The following GALNT1 variants were observed in gnomAD, a reference collection of about 807,000 sequenced individuals.
GALNT1 encodes the protein polypeptide N-acetylgalactosaminyltransferase 1.
GALNT1 carries 17 observed loss-of-function variants against 65.7 expected under a neutral mutation model. That is an observed-to-expected ratio of 0.26 (90% CI 0.18 to 0.39). The LOEUF is 0.39. Among genes scored for constraint, GALNT1 ranks in the 10% least tolerant of loss-of-function variants. GALNT1 has a pLI of 1.00. For synonymous variants in GALNT1, 210 were observed against 219.7 expected, an observed-to-expected ratio of 0.96 and a Z score of 0.39; for missense variants, 460 against 672.8, an observed-to-expected ratio of 0.68 and a Z score of 3.50.
chr18:35,683,631 G>T, intron 5 of GALNT1, 33 bp downstream of exon 5: 1 of 1,581,478 alleles, frequency 6.3e-7, no homozygotes, highest in Non-Finnish European at 8.7e-7. Flanking sequence ...TTTGCTTTTA[G>T]TACATTTGTC....
At chr18:35,671,220 C>T (rs2047630281) in intron 3 of GALNT1, among the ~76,000 whole-genome samples, 1 of 151,996 alleles carries the variant, frequency 6.6e-6, no homozygotes, top group African/African-American at 2.4e-5. Context: ...TATATACACA[C>T]ATATATATTT....
At chr18:35,638,358 CCCTGACAA>C (rs1315137148) in intron 1 of GALNT1, among the ~76,000 whole-genome samples, 3 of 152,034 alleles carry the variant, frequency 2.0e-5, no homozygotes, top group African/African-American at 7.2e-5. Context: ...GCAGCTGTGG[CCCTGACAA>C]GCTGGTGCTG....
At chr18:35,625,173 G>A (rs1251441473) in intron 1 of GALNT1, among the ~76,000 whole-genome samples, 1 of 152,138 alleles carries the variant, frequency 6.6e-6, no homozygotes, top group African/African-American at 2.4e-5. Flanking sequence ...CCATGCTGGG[G>A]ATGTTTACAA....
intron 3 of GALNT1, among the ~76,000 whole-genome samples, chr18:35,666,448 C>G (rs1427893540): frequency 6.6e-6 from 1 of 152,166 alleles, no homozygotes; most frequent in Non-Finnish European, 1.5e-5. Context: ...TATAGACTCT[C>G]CACAGTCTAC....
rs765428686 is a variant in GALNT1, at chr18:35,709,790, C to T, written c.*20C>T. ...TTCTGAGACCAAATTTACAAAAAAA[C>T]GAAAAAAATAAGGATTGACTGGGCT... On this transcript the variant is annotated 3_prime_UTR_variant, in exon 12 of 12. Coordinates refer to ENST00000269195, the MANE Select transcript of GALNT1 (RefSeq NM_020474.4). 1.6e-5 allele frequency: 26 copies of T among 1,610,860 alleles called. 1 individual carries two copies. Among genetic ancestry groups the T allele is most frequent in the South Asian group, 1.5e-4 (14 of 90,750 alleles).
At chr18:35,667,539 T>G (rs2047567126) in intron 3 of GALNT1, among the ~76,000 whole-genome samples, 1 of 152,202 alleles carries the variant, frequency 6.6e-6, no homozygotes, top group African/African-American at 2.4e-5. Context: ...AAATACCCAG[T>G]TAATATTCCA....
At chr18:35,690,892 T>G (rs1209571524) in intron 7 of GALNT1, 120 bp from the exon 8 acceptor site, 4 of 865,768 alleles carry the variant, frequency 4.6e-6, no homozygotes, top group East Asian at 2.6e-5. Flanking sequence ...ATGTTCCATT[T>G]AAGTTTAAAC....
chr18:35,703,935 G>A (rs1206970359), intron 11 of GALNT1, among the ~76,000 whole-genome samples: 1 of 152,192 alleles, frequency 6.6e-6, no homozygotes, highest in Non-Finnish European at 1.5e-5. Context: ...TAGTTTGGGA[G>A]AAATGAGGCA....
intron 2 of GALNT1, among the ~76,000 whole-genome samples, chr18:35,663,012 AAAT>A (rs1568026908): frequency 6.6e-6 from 1 of 152,232 alleles, no homozygotes; most frequent in Non-Finnish European, 1.5e-5. Flanking sequence ...ACCCTGAATG[AAAT>A]AATGTGATAG....
chr18:35,615,472 A>G (rs775563776), intron 1 of GALNT1, among the ~76,000 whole-genome samples: 1 of 152,228 alleles, frequency 6.6e-6, no homozygotes, highest in Non-Finnish European at 1.5e-5. Flanking sequence ...TTAAGCCTCC[A>G]GAATAAAATA....
At chr18:35,702,812 T>G in intron 9 of GALNT1, 85 bp from the exon 10 acceptor site, 23 of 809,506 alleles carry the variant, frequency 2.8e-5, no homozygotes, top group Non-Finnish European at 4.0e-5. Context: ...AAGTTTAGGT[T>G]GATATTTAGT....
chr18:35,703,411 A>G, intron 10 of GALNT1, 98 bp from the exon 11 acceptor site: 1 of 1,103,164 alleles, frequency 9.1e-7, no homozygotes, highest in Non-Finnish European at 1.3e-6. Flanking sequence ...TAAATCATGT[A>G]CCTTGAAATA....
At chr18:35,656,627 C>T (rs1021594983) in intron 2 of GALNT1, among the ~76,000 whole-genome samples, 2 of 152,202 alleles carry the variant, frequency 1.3e-5, no homozygotes, top group East Asian at 3.9e-4. Flanking sequence ...CAGGAGGTGG[C>T]AGAGGCCATG....
intron 1 of GALNT1, among the ~76,000 whole-genome samples, chr18:35,638,851 C>A (rs2047126117): frequency 6.6e-6 from 1 of 152,122 alleles, no homozygotes; most frequent in Non-Finnish European, 1.5e-5. Flanking sequence ...TTGGAAGAAG[C>A]TGAGTTCAAC....
chr18:35,645,285 C>T (rs2047216674), intron 1 of GALNT1, among the ~76,000 whole-genome samples: 1 of 127,542 alleles, frequency 7.8e-6, no homozygotes, highest in Non-Finnish European at 1.6e-5. Context: ...GGCTGGAGTG[C>T]AGTGGCGCAA....
intron 4 of GALNT1, among the ~76,000 whole-genome samples, chr18:35,679,312 A>G (rs1246812993): frequency 1.3e-5 from 2 of 152,252 alleles, no homozygotes; most frequent in Admixed American, 1.3e-4. Flanking sequence ...AACCTGAGAT[A>G]AAATGAATTA....
intron 1 of GALNT1, among the ~76,000 whole-genome samples, chr18:35,641,072 C>T (rs1318474700): frequency 2.0e-5 from 3 of 152,306 alleles, no homozygotes; most frequent in East Asian, 3.9e-4. Flanking sequence ...GCAATCCTCC[C>T]ACCTTGGCTT....
intron 1 of GALNT1, among the ~76,000 whole-genome samples, chr18:35,641,905 A>T (rs572130977): frequency 1.3e-5 from 2 of 152,056 alleles, no homozygotes; most frequent in Non-Finnish European, 2.9e-5. Flanking sequence ...TTAAGTGCTT[A>T]AAAAAAATAA....
At position 35,654,474 on chromosome 18, in the gene GALNT1, AT is replaced by A. The variant is rs11339114; in HGVS notation, c.-103-85del. 7.9e-3 allele frequency: 1,568 copies of A among 198,228 alleles called. 23 individuals carry two copies. The highest frequency in any genetic ancestry group is 0.044 in the East Asian group (383 of 8,706). 12.3% of individuals were successfully genotyped at this position (198,228 alleles called of 1,614,324 possible). A position where few individuals can be genotyped will look rare whatever the true frequency, so the allele number is the denominator to read the frequency against. On this transcript the variant is annotated intron_variant, in intron 1 of 11. Coordinates refer to ENST00000269195, the MANE Select transcript of GALNT1 (RefSeq NM_020474.4). Reference sequence around the variant, plus strand: ...TGAAATTAATAATTCATATTACTTAATGTTTATAATATTAAATTAATTTTAT... The same window carrying A: ...TGAAATTAATAATTCATATTACTTAAGTTTATAATATTAAATTAATTTTAT...
Sources: gnomAD v4.1 joint callset for allele counts (sites outside exome capture counted in the v4.1 genomes callset) on GRCh38, gnomAD v4.1.1 for gene constraint, MANE v1.5 for transcripts, NCBI Gene and HGNC (gene_info 2026-07-23, HGNC 2026-07-21) for gene names.